The following SEMA3E variants were observed in gnomAD, a reference collection of about 807,000 sequenced individuals.
SEMA3E encodes the protein semaphorin 3E, also known as semaphorin-3E.
SEMA3E carries 49 observed loss-of-function variants against 93.6 expected under a neutral mutation model. The observed-to-expected ratio is 0.52, with a 90% CI of 0.42 to 0.66. The LOEUF is 0.66. Among genes scored for constraint, SEMA3E ranks in the 30% least tolerant of loss-of-function variants. The probability of loss-of-function intolerance (pLI) is 0.00; values close to 1 mark genes in which losing one functional copy is unlikely to be tolerated. For missense variants in SEMA3E, 906 were observed against 964.8 expected (o/e 0.94, Z 0.81); for synonymous variants, 363 against 330.7 (o/e 1.10, Z -1.06).
chr7:83,412,460 T>C (rs1048616941), intron 5 of SEMA3E, among the ~76,000 whole-genome samples: 1 of 152,018 alleles, frequency 6.6e-6, no homozygotes, highest in Non-Finnish European at 1.5e-5. Context: ...GTGTCAACAA[T>C]CAGGGCCAGG....
intron 4 of SEMA3E, among the ~76,000 whole-genome samples, chr7:83,452,197 ACAAAATCAGAATAAGGACTG>A (rs1789377304): frequency 6.6e-6 from 1 of 152,172 alleles, no homozygotes; most frequent in South Asian, 2.1e-4. Flanking sequence ...GTGAGAATCA[ACAAAATCAGAATAAGGACTG>A]CAAAATCAGA....
At chr7:83,586,032 T>C (rs1792619434) in intron 1 of SEMA3E, among the ~76,000 whole-genome samples, 1 of 152,182 alleles carries the variant, frequency 6.6e-6, no homozygotes, top group Admixed American at 6.5e-5. Context: ...CAAACATATA[T>C]GCACATCCCA....
intron 4 of SEMA3E, among the ~76,000 whole-genome samples, chr7:83,436,382 A>G (rs142992279): frequency 5.9e-5 from 9 of 151,588 alleles, no homozygotes; most frequent in Admixed American, 3.9e-4. Flanking sequence ...GATTTTTTAT[A>G]AAGAGAGTTA....
chr7:83,390,585 T>G (rs1787998883), intron 14 of SEMA3E, among the ~76,000 whole-genome samples: 1 of 152,202 alleles, frequency 6.6e-6, no homozygotes, highest in African/African-American at 2.4e-5. Flanking sequence ...TTTCAATTTC[T>G]GCTTCTATTC....
intron 4 of SEMA3E, among the ~76,000 whole-genome samples, chr7:83,432,246 A>T (rs1584245029): frequency 6.6e-6 from 1 of 150,572 alleles, no homozygotes. Flanking sequence ...CTATTAAAAA[A>T]TAGTTTTACA....
intron 1 of SEMA3E, among the ~76,000 whole-genome samples, chr7:83,645,036 G>A (rs1038417053): frequency 6.6e-6 from 1 of 151,890 alleles, no homozygotes; most frequent in Non-Finnish European, 1.5e-5. Context: ...ATGTACATCG[G>A]TATTTCTTGC....
In SEMA3E at chr7:83,368,401, T is replaced by C. The variant is rs995714009; in HGVS notation, c.1876-363A>G. On this transcript the variant is annotated intron_variant, in intron 16 of 16. Coordinates refer to ENST00000643230, the MANE Select transcript of SEMA3E (RefSeq NM_012431.3). ...TCACAGTAAGAGTGAAAGGAAAATTTCTAAAATTTATTTTTTAACATTTGT... is the reference window on the plus strand; with the variant it reads ...TCACAGTAAGAGTGAAAGGAAAATTCCTAAAATTTATTTTTTAACATTTGT... Among the ~76,000 whole-genome samples the C allele has an allele frequency of 2.6e-5, 4 of 152,286 alleles. No individual in the cohort carries two copies. In the South Asian group the frequency reaches 8.3e-4, roughly 32 times the overall value.
At chr7:83,423,440 A>G (rs988503547) in intron 4 of SEMA3E, among the ~76,000 whole-genome samples, 5 of 151,948 alleles carry the variant, frequency 3.3e-5, no homozygotes, top group Non-Finnish European at 5.9e-5. Context: ...ACAAGTAATC[A>G]TTTTAAAATA....
chr7:83,522,439 G>A (rs920039271), intron 1 of SEMA3E, among the ~76,000 whole-genome samples: 3 of 151,982 alleles, frequency 2.0e-5, no homozygotes, highest in Admixed American at 6.6e-5. Context: ...ACTCTATCAG[G>A]GTACATCTAG....
intron 4 of SEMA3E, among the ~76,000 whole-genome samples, chr7:83,451,110 TC>T (rs753062631): frequency 3.7e-4 from 57 of 152,288 alleles, no homozygotes; most frequent in Middle Eastern, 3.4e-3. Flanking sequence ...GCTCAGCATG[TC>T]TCCTTCCTGC....
At chr7:83,427,489 G>GA (rs1308753015) in intron 4 of SEMA3E, among the ~76,000 whole-genome samples, 1 of 151,964 alleles carries the variant, frequency 6.6e-6, no homozygotes, top group East Asian at 1.9e-4. Context: ...TTTTAAAGCA[G>GA]AAAAAAGGAA....
intron 10 of SEMA3E, 66 bp from the exon 11 acceptor site, chr7:83,400,316 T>C: frequency 6.9e-7 from 1 of 1,453,768 alleles, no homozygotes. Context: ...TATAATCAAT[T>C]ATGAGAAGAA....
rs746701899 is a variant in SEMA3E, at chr7:83,367,614, C to T, written c.2300G>A (p.Arg767His). The T allele has an allele frequency of 1.4e-5, 22 of 1,613,962 alleles. No individual in the cohort carries two copies. The highest frequency in any genetic ancestry group is 1.8e-5 in the Non-Finnish European group (21 of 1,179,994). Reference sequence around the variant, plus strand: ...GGAGTCCAGCGTGTGCCTGGGCAGGCGGTAATGCTCAGGTTTGGAACGGAG... The same window carrying T: ...GGAGTCCAGCGTGTGCCTGGGCAGGTGGTAATGCTCAGGTTTGGAACGGAG... ...KKLRSKPEHY[R>H]LPRHTLDS is the part of the protein sequence containing the mutation. The change falls in exon 17 of 17, where the codon CGC becomes CAC. Residue 767 changes from arginine (R) to histidine (H), a missense_variant. Transcript: ENST00000643230.
At chr7:83,533,631 A>T (rs535598612) in intron 1 of SEMA3E, among the ~76,000 whole-genome samples, 182 of 152,294 alleles carry the variant, frequency 1.2e-3, no homozygotes, top group African/African-American at 4.2e-3. Flanking sequence ...GCAGTAGAAT[A>T]GAGGAAATCA....
chr7:83,437,104 G>T (rs1259232650), intron 4 of SEMA3E, among the ~76,000 whole-genome samples: 1 of 152,062 alleles, frequency 6.6e-6, no homozygotes, highest in Non-Finnish European at 1.5e-5. Context: ...CTCCCACTGG[G>T]TCCTGGTGGA....
At position 83,585,376 on chromosome 7, in the gene SEMA3E, A is replaced by T. The variant is rs554850497; in HGVS notation, c.115+63052T>A. Among the ~76,000 whole-genome samples the T allele has an allele frequency of 2.6e-5, 4 of 152,202 alleles. No homozygotes were observed. In the South Asian group the frequency reaches 8.3e-4, roughly 32 times the overall value. On this transcript the variant is annotated intron_variant, in intron 1 of 16. Coordinates refer to ENST00000643230, the MANE Select transcript of SEMA3E (RefSeq NM_012431.3). The stretch of plus-strand genomic sequence containing the variant: ...GTACGTTCCATGAAGAAGGGCCAGC[A>T]TTTTCTTGTTTTGTTTTATCAGTAT...
chr7:83,394,165 G>T, intron 13 of SEMA3E, 132 bp downstream of exon 13: 1 of 981,850 alleles, frequency 1.0e-6, no homozygotes, highest in Non-Finnish European at 1.5e-6. Flanking sequence ...ATAAAATAAA[G>T]TAATAAAAGA....
chr7:83,587,378 A>T (rs1472580614), intron 1 of SEMA3E, among the ~76,000 whole-genome samples: 1 of 152,162 alleles, frequency 6.6e-6, no homozygotes, highest in African/African-American at 2.4e-5. Context: ...GGTTTGGCAT[A>T]CCAGTTCATT....
chr7:83,536,016 A>G (rs1562822972), intron 1 of SEMA3E, among the ~76,000 whole-genome samples: 1 of 152,170 alleles, frequency 6.6e-6, no homozygotes, highest in Non-Finnish European at 1.5e-5. Flanking sequence ...ATTTGCCTCT[A>G]TATACACCAA....
Sources: gnomAD v4.1 joint callset for allele counts (sites outside exome capture counted in the v4.1 genomes callset) on GRCh38, gnomAD v4.1.1 for gene constraint, MANE v1.5 for transcripts, NCBI Gene and HGNC (gene_info 2026-07-23, HGNC 2026-07-21) for gene names.